The following XRRA1 variants were observed in gnomAD, a reference collection of about 807,000 sequenced individuals.
XRRA1 encodes X-ray radiation resistance associated 1, also known as X-ray radiation resistance-associated protein 1.
XRRA1 carries 69 observed loss-of-function variants against 80.2 expected under a neutral mutation model. The observed-to-expected ratio is 0.86, with a 90% CI of 0.71 to 1.05. The LOEUF is 1.05. Among genes scored for constraint, XRRA1 ranks in the 50% least tolerant of loss-of-function variants. XRRA1 has a pLI of 0.00. For synonymous variants in XRRA1, 348 were observed against 389.9 expected (o/e 0.89, Z 1.27); for missense variants, 967 against 976.4 (o/e 0.99, Z 0.13).
chr11:74,855,616 A>G (rs2040902025), intron 12 of XRRA1, among the ~76,000 whole-genome samples: 1 of 152,204 alleles, frequency 6.6e-6, no homozygotes, highest in African/African-American at 2.4e-5. Flanking sequence ...TGGATTAAGG[A>G]GAGTGTAACA....
chr11:74,866,880 G>A (rs77859907), intron 10 of XRRA1, among the ~76,000 whole-genome samples: 180 of 152,226 alleles, frequency 1.2e-3, no homozygotes, highest in African/African-American at 4.2e-3. Context: ...TATTAGGGTT[G>A]CTAAAGTTAA....
At chr11:74,948,614 C>G (rs542492802) in intron 1 of XRRA1, among the ~76,000 whole-genome samples, 4 of 152,210 alleles carry the variant, frequency 2.6e-5, no homozygotes, top group South Asian at 2.1e-4. Flanking sequence ...CAGATACATG[C>G]TATCTGGCTT....
At chr11:74,906,499 T>C (rs568018197) in intron 9 of XRRA1, 43 bp from the exon 10 acceptor site, 60 of 1,589,594 alleles carry the variant, frequency 3.8e-5, no homozygotes, top group East Asian at 2.7e-4. Context: ...GCAATAATGA[T>C]ACCTCAGGAT....
intron 8 of XRRA1, among the ~76,000 whole-genome samples, chr11:74,908,051 C>T (rs757970037): frequency 1.3e-5 from 2 of 152,124 alleles, no homozygotes; most frequent in Non-Finnish European, 2.9e-5. Flanking sequence ...ATTCTTCCCT[C>T]CATACTGTAT....
At chr11:74,869,203 C>T (rs1185781541) in intron 10 of XRRA1, among the ~76,000 whole-genome samples, 2 of 152,014 alleles carry the variant, frequency 1.3e-5, no homozygotes, top group Admixed American at 6.6e-5. Flanking sequence ...TGCTCAAAAC[C>T]ATATAATTAC....
chr11:74,864,208 G>T (rs374328605), intron 10 of XRRA1: 5 of 152,190 alleles, frequency 3.3e-5, no homozygotes, highest in African/African-American at 1.2e-4. Context: ...AAAGCAGATT[G>T]TTGTGGAAGC....
intron 10 of XRRA1, among the ~76,000 whole-genome samples, chr11:74,887,535 G>T (rs1035920775): frequency 6.6e-6 from 1 of 152,200 alleles, no homozygotes; most frequent in Non-Finnish European, 1.5e-5. Context: ...TCCAACTGAG[G>T]TACGGGGTTC....
intron 7 of XRRA1, among the ~76,000 whole-genome samples, chr11:74,922,139 G>A (rs1941002132): frequency 6.6e-6 from 1 of 150,990 alleles, no homozygotes; most frequent in African/African-American, 2.4e-5. Flanking sequence ...CGCCTGTAGT[G>A]CCAGCTACTC....
intron 3 of XRRA1, among the ~76,000 whole-genome samples, chr11:74,937,290 C>T (rs1044437628): frequency 2.0e-5 from 3 of 152,094 alleles, no homozygotes; most frequent in Admixed American, 1.3e-4. Context: ...TGATTTTATA[C>T]ATGAAAAGGC....
At chr11:74,919,788 G>T in intron 8 of XRRA1, 2 of 423,822 alleles carry the variant, frequency 4.7e-6, no homozygotes, top group Non-Finnish European at 4.6e-6. Flanking sequence ...CTGATACCAG[G>T]CTCAACAAGG....
At chr11:74,921,922 AAGTT>A (rs1291133655) in intron 7 of XRRA1, among the ~76,000 whole-genome samples, 2 of 152,148 alleles carry the variant, frequency 1.3e-5, no homozygotes, top group African/African-American at 4.8e-5. Context: ...GTATCCTTGT[AAGTT>A]AGCATAAGAC....
intron 7 of XRRA1, among the ~76,000 whole-genome samples, chr11:74,922,830 G>T (rs1941237229): frequency 6.6e-6 from 1 of 152,164 alleles, no homozygotes; most frequent in Non-Finnish European, 1.5e-5. Flanking sequence ...GTAGAAATAA[G>T]TGGTTCTTAT....
intron 6 of XRRA1, among the ~76,000 whole-genome samples, chr11:74,929,757 C>T (rs545842531): frequency 6.6e-6 from 1 of 152,328 alleles, no homozygotes; most frequent in South Asian, 2.1e-4. Flanking sequence ...TGAAGTCCCA[C>T]GTATATGCTT....
chr11:74,936,011 T>A (rs1944894252), intron 4 of XRRA1, among the ~76,000 whole-genome samples: 1 of 152,144 alleles, frequency 6.6e-6, no homozygotes, highest in Non-Finnish European at 1.5e-5. Flanking sequence ...AAAAAGCTTA[T>A]ACTACCCACT....
chr11:74,867,917 CTTTTTTTT>C (rs60520990), intron 10 of XRRA1, among the ~76,000 whole-genome samples: 7 of 106,746 alleles, frequency 6.6e-5, no homozygotes, highest in East Asian at 3.0e-4. Context: ...TATAGTCAAT[CTTTTTTTT>C]TTTTTTTTTT....
chr11:74,915,654 T>C (rs1938401498), intron 8 of XRRA1, among the ~76,000 whole-genome samples: 1 of 152,354 alleles, frequency 6.6e-6, no homozygotes, highest in Non-Finnish European at 1.5e-5. Context: ...TTTTTGGATA[T>C]AGATTTGCCT....
rs953786853 is a variant in XRRA1 at position 74,851,122 on chromosome 11, T to C, written c.1346A>G (p.His449Arg). ...TTCCTTCCGAGACATCAAAACATGATGCTTAGGCTTTACTATCTTCCTTCG... is the reference window on the plus strand; with the variant it reads ...TTCCTTCCGAGACATCAAAACATGACGCTTAGGCTTTACTATCTTCCTTCG... ...LIRRKIVKPK[H>R]HVLMSRKESW... is the part of the protein sequence containing the mutation. The change falls in exon 14 of 19, where the codon CAT becomes CGT. Residue 449 changes from histidine (H) to arginine (R), a missense_variant. His to Arg is a conservative substitution (Grantham distance 29). Transcript: ENST00000684022. 12 of 1,612,748 alleles carry C rather than the reference T, an allele frequency of 7.4e-6. No individual in the cohort carries two copies. Among genetic ancestry groups the C allele is most frequent in the Non-Finnish European group, 1.0e-5 (12 of 1,179,148 alleles).
chr11:74,869,076 A>G (rs1309993424), intron 10 of XRRA1, among the ~76,000 whole-genome samples: 1 of 152,200 alleles, frequency 6.6e-6, no homozygotes, highest in African/African-American at 2.4e-5. Flanking sequence ...CACATATTCT[A>G]AAGTCAACCA....
At position 74,843,536 on chromosome 11, in the gene XRRA1, C is replaced by A. The variant is rs533343802; in HGVS notation, c.2150-83G>T. ...AAGCAAGAGGATTGGGTCCAGAGACCCTTGGAAAATGGGATGGTGTGGCAG... is the reference window on the plus strand; with the variant it reads ...AAGCAAGAGGATTGGGTCCAGAGACACTTGGAAAATGGGATGGTGTGGCAG... On this transcript the variant is annotated intron_variant, in intron 18 of 18. Coordinates refer to ENST00000684022, the MANE Select transcript of XRRA1 (RefSeq NM_001378157.1). 189 of 1,512,382 alleles carry A rather than the reference C, an allele frequency of 1.2e-4. No homozygotes were observed. The Admixed American group carries it at 1.4e-3, about 11-fold the overall frequency. 93.7% of individuals were successfully genotyped at this position (1,512,382 alleles called of 1,614,324 possible).
Sources: allele counts gnomAD v4.1 joint callset (sites outside exome capture counted in the v4.1 genomes callset), GRCh38; gene constraint gnomAD v4.1.1; transcripts MANE v1.5; gene names NCBI Gene and HGNC (gene_info 2026-07-23, HGNC 2026-07-21).